The following PCDHA6 variants were observed in gnomAD, a reference collection of about 807,000 sequenced individuals.
PCDHA6 encodes protocadherin alpha 6, also known as protocadherin alpha-6.
In PCDHA6, 55 loss-of-function variants were observed where a neutral mutation model predicts 60.3. The observed-to-expected ratio is 0.91, with a 90% CI of 0.73 to 1.14. The LOEUF (loss-of-function observed/expected upper bound fraction) is 1.14. Among genes scored for constraint, PCDHA6 ranks in the 50% most tolerant of loss-of-function variants. The pLI, the probability that PCDHA6 is intolerant of heterozygous loss-of-function variation, is 0.00. For missense variants in PCDHA6, 1,327 were observed against 1,256.5 expected (o/e 1.06, Z -0.85); for synonymous variants, 652 against 557.9 (o/e 1.17, Z -2.38).
rs2150354219 is a variant in PCDHA6 at position 140,843,163 on chromosome 5, T to G, written c.2394+12678T>G. On this transcript the variant is annotated intron_variant, in intron 1 of 3. Coordinates refer to ENST00000529310, the MANE Select transcript of PCDHA6 (RefSeq NM_018909.4). ...GGCTTTCGTATGAGCTGCAGCCAGCTGCAAGCAGCCCTCGCATCCCGTTCC... is the reference window on the plus strand; with the variant it reads ...GGCTTTCGTATGAGCTGCAGCCAGCGGCAAGCAGCCCTCGCATCCCGTTCC... 3.6e-5 allele frequency: 58 copies of G among 1,595,956 alleles called. 4 individuals carry two copies. The South Asian group carries it at 6.1e-4, about 17-fold the overall frequency.
At chr5:140,988,058 A>G (rs2097280755) in intron 3 of PCDHA6, among the ~76,000 whole-genome samples, 1 of 152,200 alleles carries the variant, frequency 6.6e-6, no homozygotes, top group African/African-American at 2.4e-5. Flanking sequence ...CACTGTCAAC[A>G]TGAATTTTTC....
rs141068049 is a variant in PCDHA6, at chr5:140,842,535, A to C, written c.2394+12050A>C. 7.4e-6 allele frequency: 12 copies of C among 1,612,482 alleles called. 1 individual carries two copies. The highest frequency in any genetic ancestry group is 1.0e-5 in the Non-Finnish European group (12 of 1,178,836). On this transcript the variant is annotated intron_variant, in intron 1 of 3. Coordinates refer to ENST00000529310, the MANE Select transcript of PCDHA6 (RefSeq NM_018909.4). ...CTGGTGTCCACCTTCAAGAATTACT[A>C]CTCGTTGGTGCTGGACAGCGCCCTG... is the stretch of plus-strand genomic sequence containing the variant.
At chr5:140,884,509 T>C (rs781917095) in intron 1 of PCDHA6, 3 of 1,612,704 alleles carry the variant, frequency 1.9e-6, no homozygotes, top group Non-Finnish European at 1.7e-6. Flanking sequence ...CGGCAGGGAG[T>C]TGGTCGTACT....
chr5:140,850,322 C>G lies in PCDHA6; in HGVS notation c.2394+19837C>G, dbSNP rs2150479524. 264 of 1,597,382 alleles carry G rather than the reference C, an allele frequency of 1.7e-4. 27 individuals are homozygous for G. The highest frequency in any genetic ancestry group is 2.2e-4 in the Non-Finnish European group (252 of 1,167,724). ...CGGGCTACAACGCGTGGCTTTCATA[C>G]GAGCTGCAGCCAGAAACGGCCAGCG... On this transcript the variant is annotated intron_variant, in intron 1 of 3. Coordinates refer to ENST00000529310, the MANE Select transcript of PCDHA6 (RefSeq NM_018909.4).
intron 1 of PCDHA6, chr5:140,856,843 T>G: frequency 6.3e-7 from 1 of 1,593,286 alleles, no homozygotes; most frequent in South Asian, 1.1e-5. Context: ...GGCTCAACGC[T>G]TCTGATTCGG....
chr5:140,938,807 A>G (rs1253557528), intron 1 of PCDHA6, among the ~76,000 whole-genome samples: 1 of 152,020 alleles, frequency 6.6e-6, no homozygotes, highest in Non-Finnish European at 1.5e-5. Context: ...GGTACCACAA[A>G]CCCCTGTGAC....
chr5:140,969,249 A>G (rs1586364972), intron 1 of PCDHA6: 1 of 1,614,240 alleles, frequency 6.2e-7, no homozygotes, highest in Admixed American at 1.7e-5. Flanking sequence ...GCAGTGACTG[A>G]CAGCAGGAAT....
rs2150156101 is a variant in PCDHA6, at chr5:140,828,503, C to T, written c.412C>T (p.Gln138Ter). Residue 138 changes from glutamine (Q) to a stop codon, truncating the protein, a stop_gained, in exon 1 of 4, where the codon CAA becomes TAA. Transcript: ENST00000529310. LOFTEE classifies it high-confidence loss of function. ...CCCGCCCTTGTTCCCGGTAGAGGAA[C>T]AAAGAGTGCTGATTTACGAATCTAG... ...DNPPLFPVEE[Q>*]RVLIYESRLP... 6 of 1,614,238 alleles carry T rather than the reference C, an allele frequency of 3.7e-6. No individual in the cohort carries two copies. Among genetic ancestry groups the T allele is most frequent in the Non-Finnish European group, 5.1e-6 (6 of 1,180,048 alleles).
intron 3 of PCDHA6, among the ~76,000 whole-genome samples, chr5:141,002,682 G>C (rs536105955): frequency 6.6e-6 from 1 of 152,140 alleles, no homozygotes; most frequent in African/African-American, 2.4e-5. Context: ...CCTATACGAC[G>C]TGCAGATTTG....
At chr5:140,998,273 A>G (rs1448303020) in intron 3 of PCDHA6, among the ~76,000 whole-genome samples, 1 of 152,216 alleles carries the variant, frequency 6.6e-6, no homozygotes, top group East Asian at 1.9e-4. Context: ...ACTGACACCC[A>G]TAGGATTAAA....
chr5:140,931,659 G>A (rs1554208521), intron 1 of PCDHA6, among the ~76,000 whole-genome samples: 1 of 151,694 alleles, frequency 6.6e-6, no homozygotes, highest in Non-Finnish European at 1.5e-5. Flanking sequence ...GTTGTGGGCT[G>A]GATATTTCCT....
chr5:140,957,983 AG>A (rs1554223250), intron 1 of PCDHA6, among the ~76,000 whole-genome samples: 1 of 152,154 alleles, frequency 6.6e-6, no homozygotes, highest in Non-Finnish European at 1.5e-5. Flanking sequence ...AAATAGAATC[AG>A]TGCCAGATTT....
intron 1 of PCDHA6, chr5:140,859,596 AT>A (rs1554152518): frequency 6.1e-6 from 1 of 164,060 alleles, no homozygotes; most frequent in Non-Finnish European, 1.3e-5. Flanking sequence ...GCTCTTAGCA[AT>A]TACTTTTTTC....
At chr5:140,842,326 C>T (rs1406099374) in intron 1 of PCDHA6, 4 of 1,606,084 alleles carry the variant, frequency 2.5e-6, no homozygotes, top group African/African-American at 1.3e-5. Flanking sequence ...GTCATTGCAC[C>T]GTTTTAGTGA....
intron 1 of PCDHA6, among the ~76,000 whole-genome samples, chr5:140,952,125 A>G (rs1027710629): frequency 6.6e-6 from 1 of 152,092 alleles, no homozygotes; most frequent in African/African-American, 2.4e-5. Context: ...TGGGCTCCCA[A>G]GGCCTTGGGA....
In PCDHA6 at chr5:140,856,432, C is replaced by T. The variant is rs782418117; in HGVS notation, c.2394+25947C>T. On this transcript the variant is annotated intron_variant, in intron 1 of 3. Transcript: ENST00000529310. ...TGGAAGTGAAGGACATTAACGACAA[C>T]CCGCCCAGGTTCTCCGTAACAGAAC... 1.9e-6 allele frequency: 3 copies of T among 1,598,272 alleles called. No individual in the cohort carries two copies. In the African/African-American group the frequency reaches 4.0e-5, roughly 22 times the overall value.
At chr5:140,842,068 A>T (rs1777688396) in intron 1 of PCDHA6, 2 of 1,613,910 alleles carry the variant, frequency 1.2e-6, no homozygotes, top group African/African-American at 2.7e-5. Context: ...AATACGAAGT[A>T]AGAATATTCG....
At chr5:140,948,253 AT>A (rs1365335948) in intron 1 of PCDHA6, among the ~76,000 whole-genome samples, 1 of 151,624 alleles carries the variant, frequency 6.6e-6, no homozygotes, top group Non-Finnish European at 1.5e-5. Context: ...ATATTTTTAC[AT>A]CTGTGTTCAT....
intron 1 of PCDHA6, chr5:140,856,066 C>A: frequency 6.3e-7 from 1 of 1,589,756 alleles, no homozygotes; most frequent in Non-Finnish European, 8.6e-7. Flanking sequence ...CCAGATGTAG[C>A]TGCCTGGGGG....
Sources: gnomAD v4.1 joint callset for allele counts (sites outside exome capture counted in the v4.1 genomes callset) on GRCh38, gnomAD v4.1.1 for gene constraint, MANE v1.5 for transcripts, NCBI Gene and HGNC (gene_info 2026-07-23, HGNC 2026-07-21) for gene names.